PTPRN2: variants seen among roughly 807,000 people sequenced by gnomAD.
The protein encoded by PTPRN2 is protein tyrosine phosphatase receptor type N2.
PTPRN2 carries 74 observed loss-of-function variants against 118.8 expected under a neutral mutation model. The ratio of observed to expected loss-of-function variants is 0.62; its 90% CI spans 0.52 to 0.76. The LOEUF (loss-of-function observed/expected upper bound fraction) is 0.76. Among genes scored for constraint, PTPRN2 ranks in the 30% least tolerant of loss-of-function variants. PTPRN2 has a pLI of 0.00. For missense variants in PTPRN2, 1,481 were observed against 1,394.4 expected (o/e 1.06, Z -0.99); for synonymous variants, 641 against 608.0 (o/e 1.05, Z -0.80).
intron 1 of PTPRN2, among the ~76,000 whole-genome samples, chr7:158,524,816 A>G (rs1753543195): frequency 6.6e-6 from 1 of 152,216 alleles, no homozygotes; most frequent in Non-Finnish European, 1.5e-5. Flanking sequence ...ACAAAAAGTC[A>G]GCTTCTGTAC....
chr7:158,312,244 ACACCT>A, intron 3 of PTPRN2, among the ~76,000 whole-genome samples: 7 of 109,940 alleles, frequency 6.4e-5, no homozygotes, highest in South Asian at 2.4e-4. Context: ...ACATGCACAC[ACACCT>A]GCACACGCAC....
intron 2 of PTPRN2, among the ~76,000 whole-genome samples, chr7:158,341,028 C>G (rs1806650690): frequency 9.1e-5 from 1 of 11,008 alleles, no homozygotes; most frequent in Non-Finnish European, 2.0e-4. Context: ...CACTCACACC[C>G]ACACTCACCA....
intron 3 of PTPRN2, among the ~76,000 whole-genome samples, chr7:158,310,030 A>G (rs541756945): frequency 6.6e-6 from 1 of 152,314 alleles, no homozygotes; most frequent in Non-Finnish European, 1.5e-5. Flanking sequence ...ACCCACCACC[A>G]GACACCAAAT....
intron 4 of PTPRN2, among the ~76,000 whole-genome samples, chr7:158,204,233 C>G (rs1375652373): frequency 6.6e-6 from 1 of 151,174 alleles, no homozygotes; most frequent in Non-Finnish European, 1.5e-5. Flanking sequence ...CCTCGGTGTG[C>G]GCCGCTTGCT....
chr7:158,350,474 G>A (rs1001517713), intron 2 of PTPRN2, among the ~76,000 whole-genome samples: 10 of 152,220 alleles, frequency 6.6e-5, no homozygotes, highest in East Asian at 5.8e-4. Flanking sequence ...TCTGACTGCC[G>A]TCTGCACCCA....
chr7:158,558,468 G>T (rs1024629206), intron 1 of PTPRN2, among the ~76,000 whole-genome samples: 13 of 152,072 alleles, frequency 8.5e-5, no homozygotes, highest in Admixed American at 2.0e-4. Context: ...CCCAGGGGGT[G>T]CTGAGCAGTG....
chr7:158,123,127 C>T (rs775036860), intron 9 of PTPRN2, among the ~76,000 whole-genome samples: 1 of 152,222 alleles, frequency 6.6e-6, no homozygotes, highest in African/African-American at 2.4e-5. Context: ...TAAGACAATA[C>T]TCAAAACCAA....
intron 2 of PTPRN2, among the ~76,000 whole-genome samples, chr7:158,453,829 A>G (rs1818258568): frequency 6.6e-6 from 1 of 152,284 alleles, no homozygotes; most frequent in Non-Finnish European, 1.5e-5. Context: ...TCAGCAAAGC[A>G]GACAAGTCTC....
intron 3 of PTPRN2, among the ~76,000 whole-genome samples, chr7:158,246,076 G>A (rs139436326): frequency 6.6e-6 from 1 of 152,058 alleles, no homozygotes; most frequent in Admixed American, 6.5e-5. Context: ...ACCCAGGATT[G>A]TGTGAAACCA....
chr7:157,657,621 TACAC>T lies in PTPRN2; in HGVS notation c.2002-1074_2002-1071del, dbSNP rs746232667. ...ACACACACCACACACATCACACATATACACACACACACCACACACATCACACATA... is the reference window on the plus strand; with the variant it reads ...ACACACACCACACACATCACACATATACACACACCACACACATCACACATA... On this transcript the variant is annotated intron_variant, in intron 13 of 22. Transcript: ENST00000389418. Among the ~76,000 whole-genome samples, 3 of 46,278 alleles carry T rather than the reference TACAC, an allele frequency of 6.5e-5. No individual in the cohort carries two copies. The Admixed American group carries it at 8.2e-4, about 13-fold the overall frequency. The allele number at this position is 46,278 out of a possible 152,430, so 30.4% of individuals were successfully genotyped here. A position where few individuals can be genotyped will look rare whatever the true frequency, so the allele number is the denominator to read the frequency against.
rs1801381284 is a variant in PTPRN2 at position 157,596,963 on chromosome 7, A to C, written c.2419-1648T>G. Among the ~76,000 whole-genome samples, 1 of 152,216 alleles carries C rather than the reference A, an allele frequency of 6.6e-6. No individual in the cohort carries two copies. The highest frequency in any genetic ancestry group is 2.4e-5 in the African/African-American group (1 of 41,446). ...TCAGTGGTGGCCCCGGTGCTACCTT[A>C]AGTGCTGCTGCATTTGGGAAGCTGA... On this transcript the variant is annotated intron_variant, in intron 16 of 22. Transcript: ENST00000389418. The surrounding 1 kb of genome is among the most constrained non-coding windows in gnomAD (Gnocchi z 4.2).
chr7:157,542,891 C>T (rs748140486), intron 22 of PTPRN2, among the ~76,000 whole-genome samples: 9 of 152,116 alleles, frequency 5.9e-5, no homozygotes, highest in African/African-American at 2.2e-4. Context: ...TCAGAGCTGG[C>T]GTTTGAGGGG....
Position 157,964,279 on chromosome 7 carries a change from C to T in PTPRN2, c.1724-65542G>A, listed in dbSNP as rs1413453443. On this transcript the variant is annotated intron_variant, in intron 11 of 22. Coordinates refer to ENST00000389418, the MANE Select transcript of PTPRN2 (RefSeq NM_002847.5). This position sits in a 1 kb window ranked among gnomAD's most constrained non-coding sequence, Gnocchi z 9.0. ...CACTAGGCCAGACTGGGGTCCGCCCCACACGCACAGAGGATCACTGGGGGC... is the reference window on the plus strand; with the variant it reads ...CACTAGGCCAGACTGGGGTCCGCCCTACACGCACAGAGGATCACTGGGGGC... 6.6e-6 allele frequency among the ~76,000 whole-genome samples: 1 copy of T among 152,150 alleles called. No homozygotes were observed. The highest frequency in any genetic ancestry group is 2.4e-5 in the African/African-American group (1 of 41,430).
At chr7:158,531,442 GCACAGAAA>G (rs1396510658) in intron 1 of PTPRN2, among the ~76,000 whole-genome samples, 1 of 152,212 alleles carries the variant, frequency 6.6e-6, no homozygotes, top group Admixed American at 6.5e-5. Context: ...CCCAGGGGTG[GCACAGAAA>G]CAGCAGGTGT....
chr7:157,879,968 T>A (rs1796023209), intron 12 of PTPRN2, among the ~76,000 whole-genome samples: 1 of 152,236 alleles, frequency 6.6e-6, no homozygotes, highest in East Asian at 1.9e-4. Context: ...ATCTTGAGTA[T>A]TATCCACTGC....
intron 12 of PTPRN2, among the ~76,000 whole-genome samples, chr7:157,722,689 G>A (rs1444007145): frequency 6.6e-6 from 1 of 152,200 alleles, no homozygotes; most frequent in African/African-American, 2.4e-5. Context: ...GGGGGACAGG[G>A]GTGAGGAGGG....
Position 158,132,306 on chromosome 7 carries a change from ACATACACACT to A in PTPRN2, c.1556+1361_1556+1370del, listed in dbSNP as rs576388751. Among the ~76,000 whole-genome samples, 199 of 151,442 alleles carry A rather than the reference ACATACACACT, an allele frequency of 1.3e-3. 1 individual carries two copies. The highest frequency in any genetic ancestry group is 4.2e-3 in the African/African-American group (175 of 41,242). ...GCACAAACTGATACACATCTACCCG[ACATACACACT>A]CATACACACACATGCAAATAAGCAC... On this transcript the variant is annotated intron_variant, in intron 9 of 22. Coordinates refer to ENST00000389418, the MANE Select transcript of PTPRN2 (RefSeq NM_002847.5).
chr7:158,514,653 A>G (rs868587214), intron 1 of PTPRN2, among the ~76,000 whole-genome samples: 2 of 152,150 alleles, frequency 1.3e-5, no homozygotes, highest in African/African-American at 2.4e-5. Flanking sequence ...AAAGAAGGAT[A>G]CCTACTTTCC....
In PTPRN2 at chr7:158,312,050, C is replaced by A. The variant is rs548423519; in HGVS notation, c.277+4769G>T. 3.5e-5 allele frequency among the ~76,000 whole-genome samples: 4 copies of A among 114,990 alleles called. No homozygotes were observed. The East Asian group carries it at 1.0e-3, about 29-fold the overall frequency. The allele number at this position is 114,990 out of a possible 152,430, so 75.4% of individuals were successfully genotyped here. On this transcript the variant is annotated intron_variant, in intron 3 of 22. Coordinates refer to ENST00000389418, the MANE Select transcript of PTPRN2 (RefSeq NM_002847.5). ...ACGTGTAGAGACACACACATGCACA[C>A]ACGTGCTCACATGTAGACACACACA...
Sources: allele counts gnomAD v4.1 joint callset (sites outside exome capture counted in the v4.1 genomes callset), GRCh38; gene constraint gnomAD v4.1.1; non-coding constraint Gnocchi (gnomAD v3.1); transcripts MANE v1.5; gene names NCBI Gene and HGNC (gene_info 2026-07-23, HGNC 2026-07-21).